Variants in CDC25C observed in about 807,000 individuals in gnomAD.
CDC25C encodes M-phase inducer phosphatase 3.
CDC25C carries 48 observed loss-of-function variants against 52.5 expected under a neutral mutation model. The observed-to-expected ratio is 0.91, with a 90% CI of 0.72 to 1.16. The LOEUF (loss-of-function observed/expected upper bound fraction) is 1.16. Among genes scored for constraint, CDC25C ranks in the 50% most tolerant of loss-of-function variants. The probability of loss-of-function intolerance (pLI) is 0.00; values close to 1 mark genes in which losing one functional copy is unlikely to be tolerated. For missense variants in CDC25C, 510 were observed against 566.1 expected, an observed-to-expected ratio of 0.90 and a Z score of 1.01; for synonymous variants, 187 against 206.5, an observed-to-expected ratio of 0.91 and a Z score of 0.81.
intron 6 of CDC25C, among the ~76,000 whole-genome samples, chr5:138,323,088 C>A (rs539603120): frequency 5.9e-5 from 9 of 151,576 alleles, no homozygotes; most frequent in African/African-American, 1.9e-4. Flanking sequence ...GGTGCCACCA[C>A]GCCTGGCTAA....
chr5:138,319,753 T>G (rs1403383616), intron 6 of CDC25C, among the ~76,000 whole-genome samples: 1 of 152,146 alleles, frequency 6.6e-6, no homozygotes, highest in African/African-American at 2.4e-5. Flanking sequence ...AAAGAAGATA[T>G]ACAAATGGCC....
exon 1 of CDC25C, chr5:138,338,168 G>C (rs1006952033): frequency 2.3e-6 from 3 of 1,289,766 alleles, no homozygotes; most frequent in Non-Finnish European, 2.0e-6. Flanking sequence ...GTGGCTTGGG[G>C]GGATTCTGCG....
intron 7 of CDC25C, 24 bp from the exon 8 acceptor site, chr5:138,292,140 T>C (rs776173691): frequency 3.1e-6 from 5 of 1,600,778 alleles, no homozygotes; most frequent in Middle Eastern, 1.7e-4. Flanking sequence ...TTAAACCCCC[T>C]AGTTCTTACT....
intron 7 of CDC25C, among the ~76,000 whole-genome samples, chr5:138,301,288 C>T (rs1328697986): frequency 2.0e-5 from 3 of 152,096 alleles, no homozygotes; most frequent in Non-Finnish European, 4.4e-5. Context: ...TCTACAGACA[C>T]TAAAACGCTA....
intron 6 of CDC25C, among the ~76,000 whole-genome samples, chr5:138,319,755 C>T (rs999439363): frequency 5.9e-5 from 9 of 152,140 alleles, no homozygotes; most frequent in African/African-American, 9.7e-5. Flanking sequence ...AGAAGATATA[C>T]AAATGGCCCA....
chr5:138,336,481 T>G (rs1329285006), upstream of CDC25C, among the ~76,000 whole-genome samples: 1 of 152,146 alleles, frequency 6.6e-6, no homozygotes, highest in Non-Finnish European at 1.5e-5. Context: ...GCCAGGAGTT[T>G]GAGACTACCC....
chr5:138,302,733 TA>T (rs556157843), intron 7 of CDC25C, among the ~76,000 whole-genome samples: 12 of 143,102 alleles, frequency 8.4e-5, no homozygotes, highest in Middle Eastern at 3.9e-3. Flanking sequence ...ATTAACAGAT[TA>T]AAAAAAAAAC....
At chr5:138,305,533 C>G (rs949482905) in intron 7 of CDC25C, among the ~76,000 whole-genome samples, 1 of 152,144 alleles carries the variant, frequency 6.6e-6, no homozygotes, top group Non-Finnish European at 1.5e-5. Context: ...TCTGGAGTAG[C>G]TAGGACTACA....
intron 1 of CDC25C, 65 bp downstream of exon 1, chr5:138,331,530 G>A: frequency 3.6e-6 from 4 of 1,098,484 alleles, no homozygotes; most frequent in Non-Finnish European, 4.5e-6. Context: ...GTGGGGGCCC[G>A]ACTGGACCCT....
At chr5:138,337,663 T>A (rs929053698) in intron 1 of CDC25C, 2 of 312,732 alleles carry the variant, frequency 6.4e-6, no homozygotes, top group Non-Finnish European at 6.1e-6. Context: ...CCGCAACCAT[T>A]ATAAGTCCTG....
upstream of CDC25C, among the ~76,000 whole-genome samples, chr5:138,334,257 C>T (rs942138116): frequency 4.6e-5 from 7 of 151,638 alleles, no homozygotes; most frequent in African/African-American, 1.7e-4. Context: ...TTTACAGATG[C>T]AGTGGTGCGC....
chr5:138,317,723 C>CAAAAAAAGTT (rs1009334268), intron 7 of CDC25C, among the ~76,000 whole-genome samples: 1 of 131,700 alleles, frequency 7.6e-6, no homozygotes, highest in Non-Finnish European at 1.7e-5. Flanking sequence ...AACCAAAAAC[C>CAAAAAAAGTT]AAAAAAAGCT....
intron 8 of CDC25C, 118 bp downstream of exon 8, chr5:138,291,852 A>G (rs1326752917): frequency 2.9e-6 from 2 of 688,654 alleles, no homozygotes; most frequent in Non-Finnish European, 4.6e-6. Context: ...AACAAAGAGG[A>G]AAAAGTAAAA....
intron 7 of CDC25C, among the ~76,000 whole-genome samples, chr5:138,294,705 C>T (rs1438509530): frequency 6.6e-6 from 1 of 152,046 alleles, no homozygotes; most frequent in African/African-American, 2.4e-5. Context: ...GGGGTTTCAC[C>T]ATCTTAGCCA....
At chr5:138,299,541 C>T (rs1757486330) in intron 7 of CDC25C, among the ~76,000 whole-genome samples, 1 of 145,940 alleles carries the variant, frequency 6.9e-6, no homozygotes, top group Admixed American at 6.8e-5. Flanking sequence ...AATTAAATAA[C>T]ACACTTGTTA....
At chr5:138,317,995 A>AG (rs1249205082) in intron 7 of CDC25C, among the ~76,000 whole-genome samples, 31 of 152,304 alleles carry the variant, frequency 2.0e-4, no homozygotes, top group African/African-American at 5.1e-4. Flanking sequence ...AGATTTCTGT[A>AG]GTGACCTGAT....
intron 10 of CDC25C, among the ~76,000 whole-genome samples, chr5:138,289,120 A>G (rs1756501184): frequency 6.6e-6 from 1 of 151,890 alleles, no homozygotes; most frequent in Middle Eastern, 3.2e-3. Flanking sequence ...ACACATTACC[A>G]CGCCTGGTTA....
upstream of CDC25C, chr5:138,331,967 A>G: frequency 2.2e-6 from 2 of 928,558 alleles, no homozygotes; most frequent in Non-Finnish European, 2.6e-6. Context: ...TGCTCTGGAA[A>G]TGGTAAGACT....
At chr5:138,307,490 C>CAAAAAAAAAA (rs57593237) in intron 7 of CDC25C, among the ~76,000 whole-genome samples, 206 of 88,178 alleles carry the variant, frequency 2.3e-3, no homozygotes, top group Non-Finnish European at 3.1e-3. Context: ...GAGACTGCCA[C>CAAAAAAAAAA]AAAAAAAAAA....
Sources: allele counts gnomAD v4.1 joint callset (sites outside exome capture counted in the v4.1 genomes callset), GRCh38; gene constraint gnomAD v4.1.1; transcripts MANE v1.5; gene names NCBI Gene and HGNC (gene_info 2026-07-23, HGNC 2026-07-21).